Variants in DOCK2 observed in about 807,000 individuals in gnomAD.
The protein encoded by DOCK2 is dedicator of cytokinesis protein 2.
A neutral mutation model predicts 248.9 loss-of-function variants in DOCK2; 87 were observed. The ratio of observed to expected loss-of-function variants is 0.35; its 90% CI spans 0.29 to 0.42. The LOEUF (loss-of-function observed/expected upper bound fraction) is 0.42. DOCK2 is among the 10% of genes least tolerant of loss of function. The probability of loss-of-function intolerance (pLI) is 1.00; values close to 1 mark genes in which losing one functional copy is unlikely to be tolerated. For missense variants in DOCK2, 1,747 were observed against 2,300.2 expected (o/e 0.76, Z 4.92); for synonymous variants, 805 against 821.6 (o/e 0.98, Z 0.35).
At chr5:169,788,104 A>T (rs964346971) in intron 25 of DOCK2, among the ~76,000 whole-genome samples, 1 of 151,948 alleles carries the variant, frequency 6.6e-6, no homozygotes, top group South Asian at 2.1e-4. Flanking sequence ...CCAAAACTTT[A>T]CTCATTCTTT....
At chr5:169,931,213 C>G (rs969683955) in intron 27 of DOCK2, among the ~76,000 whole-genome samples, 1 of 152,226 alleles carries the variant, frequency 6.6e-6, no homozygotes, top group African/African-American at 2.4e-5. Flanking sequence ...AGGAAACCAT[C>G]TTACAAATAC....
At chr5:169,776,122 TATG>T (rs1263914776) in intron 25 of DOCK2, among the ~76,000 whole-genome samples, 6 of 146,188 alleles carry the variant, frequency 4.1e-5, no homozygotes, top group African/African-American at 1.5e-4. Flanking sequence ...GTATCATATA[TATG>T]ATATGATATG....
rs1425962573 is a variant in DOCK2, at chr5:170,047,523, A to C, written c.3980A>C (p.Lys1327Thr). 11 of 1,613,262 alleles carry C rather than the reference A, an allele frequency of 6.8e-6. No homozygotes were observed. Among genetic ancestry groups the C allele is most frequent in the Non-Finnish European group, 9.3e-6 (11 of 1,179,634 alleles). Reference sequence around the variant, plus strand: ...TTCTTCCTTTAGATCCAGCAGGCAAAATTCTATGAAAGCATCATGAAAATC... The same window carrying C: ...TTCTTCCTTTAGATCCAGCAGGCAACATTCTATGAAAGCATCATGAAAATC... ...LLSQNLIQQA[K>T]FYESIMKILR... The change falls in exon 40 of 52, where the codon AAA becomes ACA. Residue 1327 changes from lysine to threonine, a missense_variant. Coordinates refer to ENST00000520908, the MANE Select transcript of DOCK2 (RefSeq NM_004946.3).
intron 23 of DOCK2, among the ~76,000 whole-genome samples, chr5:169,754,568 C>T (rs1483123975): frequency 6.6e-6 from 1 of 152,154 alleles, no homozygotes; most frequent in Non-Finnish European, 1.5e-5. Flanking sequence ...ACTATTCTTA[C>T]AAAGGGTGGG....
chr5:169,882,848 C>A (rs1001204172), intron 27 of DOCK2: 7 of 1,550,844 alleles, frequency 4.5e-6, no homozygotes, highest in East Asian at 2.4e-5. Context: ...CACCCAGGGG[C>A]AGATTTCGAT....
chr5:169,813,972 T>C (rs777441378), intron 26 of DOCK2, among the ~76,000 whole-genome samples: 13 of 152,198 alleles, frequency 8.5e-5, no homozygotes, highest in South Asian at 2.1e-4. Context: ...AAGTAGGACA[T>C]AAAAATTAGG....
At chr5:169,654,631 C>G in intron 2 of DOCK2, 145 bp downstream of exon 2, 1 of 757,484 alleles carries the variant, frequency 1.3e-6, no homozygotes, top group Non-Finnish European at 2.1e-6. Flanking sequence ...TTAGAATTTA[C>G]TAAACAGAAA....
intron 27 of DOCK2, among the ~76,000 whole-genome samples, chr5:169,912,338 G>T (rs1774643009): frequency 6.6e-6 from 1 of 152,158 alleles, no homozygotes; most frequent in Non-Finnish European, 1.5e-5. Flanking sequence ...GGGTTCCTTG[G>T]TTGAAGGGTG....
chr5:169,813,518 G>A (rs1428868051), intron 26 of DOCK2, among the ~76,000 whole-genome samples: 1 of 152,074 alleles, frequency 6.6e-6, no homozygotes, highest in Admixed American at 6.6e-5. Context: ...CCCCTGCCAG[G>A]GACTCAAAAC....
At chr5:169,947,044 G>A (rs1409668735) in intron 27 of DOCK2, among the ~76,000 whole-genome samples, 1 of 152,218 alleles carries the variant, frequency 6.6e-6, no homozygotes, top group Non-Finnish European at 1.5e-5. Flanking sequence ...AATGTATCTG[G>A]AACTGTTCTC....
intron 22 of DOCK2, among the ~76,000 whole-genome samples, chr5:169,744,201 A>C (rs1324229075): frequency 6.6e-6 from 1 of 152,148 alleles, no homozygotes; most frequent in African/African-American, 2.4e-5. Context: ...GGTTCAAGCT[A>C]TATCATTGGC....
At chr5:169,911,695 A>C (rs1774608278) in intron 27 of DOCK2, among the ~76,000 whole-genome samples, 1 of 152,214 alleles carries the variant, frequency 6.6e-6, no homozygotes, top group African/African-American at 2.4e-5. Flanking sequence ...TAATTAGCCA[A>C]GAAGTTGGTG....
chr5:169,774,244 G>A (rs1765254112), intron 25 of DOCK2, among the ~76,000 whole-genome samples: 1 of 152,166 alleles, frequency 6.6e-6, no homozygotes, highest in Admixed American at 6.5e-5. Flanking sequence ...AACTGTGGCA[G>A]CACTGTACTG....
chr5:169,673,807 A>G (rs559117309), intron 5 of DOCK2, among the ~76,000 whole-genome samples: 1 of 152,322 alleles, frequency 6.6e-6, no homozygotes, highest in African/African-American at 2.4e-5. Flanking sequence ...ATGGAGTGGG[A>G]GAGAATCACC....
intron 27 of DOCK2, among the ~76,000 whole-genome samples, chr5:169,880,496 C>A (rs573464673): frequency 3.9e-5 from 6 of 152,330 alleles, no homozygotes; most frequent in Admixed American, 1.3e-4. Flanking sequence ...CTTTGGTCAA[C>A]AAAATTAGAT....
At chr5:169,746,456 C>T (rs373692437) in intron 22 of DOCK2, among the ~76,000 whole-genome samples, 5 of 152,110 alleles carry the variant, frequency 3.3e-5, no homozygotes, top group Non-Finnish European at 5.9e-5. Flanking sequence ...TGCCAAGGCC[C>T]GGGCACACTG....
chr5:169,941,329 GCCCA>G (rs1776237307), intron 27 of DOCK2, among the ~76,000 whole-genome samples: 2 of 152,064 alleles, frequency 1.3e-5, no homozygotes, highest in Admixed American at 6.5e-5. Context: ...TGTCTCAGCC[GCCCA>G]AGTAGCTGGG....
intron 22 of DOCK2, among the ~76,000 whole-genome samples, chr5:169,736,057 T>C (rs1409879999): frequency 6.6e-6 from 1 of 152,006 alleles, no homozygotes. Flanking sequence ...CTCACTGTCA[T>C]GAGAACAGCA....
At chr5:170,010,778 C>T (rs182167819) in intron 32 of DOCK2, among the ~76,000 whole-genome samples, 9 of 152,318 alleles carry the variant, frequency 5.9e-5, no homozygotes, top group African/African-American at 9.6e-5. Flanking sequence ...AAAGCTGTGG[C>T]GGGCTTCCTT....
Sources: gnomAD v4.1 joint callset for allele counts (sites outside exome capture counted in the v4.1 genomes callset) on GRCh38, gnomAD v4.1.1 for gene constraint, MANE v1.5 for transcripts, NCBI Gene and HGNC (gene_info 2026-07-23, HGNC 2026-07-21) for gene names.